Variants in CNIH3 observed in about 807,000 individuals in gnomAD.
The protein encoded by CNIH3 is protein cornichon homolog 3.
CNIH3 carries 14 observed loss-of-function variants against 24.1 expected under a neutral mutation model. The ratio of observed to expected loss-of-function variants is 0.58; its 90% CI spans 0.38 to 0.91. CNIH3 has a LOEUF of 0.91. Among genes scored for constraint, CNIH3 ranks in the 40% least tolerant of loss-of-function variants. The pLI, the probability that CNIH3 is intolerant of heterozygous loss-of-function variation, is 0.00. For synonymous variants in CNIH3, 68 were observed against 73.8 expected (o/e 0.92, Z 0.40); for missense variants, 178 against 196.8 (o/e 0.90, Z 0.57).
intron 3 of CNIH3, among the ~76,000 whole-genome samples, chr1:224,700,837 A>G (rs1044229030): frequency 6.6e-6 from 1 of 152,188 alleles, no homozygotes; most frequent in South Asian, 2.1e-4. Flanking sequence ...TCGTCATTCT[A>G]ATTAGCTCCA....
intron 5 of CNIH3, among the ~76,000 whole-genome samples, chr1:224,736,851 T>C (rs188730794): frequency 1.3e-5 from 2 of 152,324 alleles, no homozygotes; most frequent in East Asian, 1.9e-4. Context: ...TTGGGAGACC[T>C]ACAGAGTGTG....
intron 5 of CNIH3, chr1:224,587,379 G>T (rs1279365072): frequency 1.3e-5 from 2 of 152,398 alleles, no homozygotes; most frequent in African/African-American, 4.8e-5. Flanking sequence ...GAAGCCAGGG[G>T]ACAGTGTGTG....
intron 1 of CNIH3, among the ~76,000 whole-genome samples, chr1:224,491,914 T>C (rs904254157): frequency 6.6e-6 from 1 of 152,090 alleles, no homozygotes; most frequent in African/African-American, 2.4e-5. Flanking sequence ...GGCCCATTTA[T>C]TTACTTTATT....
chr1:224,631,601 C>T (rs1683822823), intron 1 of CNIH3, among the ~76,000 whole-genome samples: 1 of 152,148 alleles, frequency 6.6e-6, no homozygotes, highest in Non-Finnish European at 1.5e-5. Flanking sequence ...GTGGAGGCTA[C>T]ACAATATTAC....
intron 1 of CNIH3, among the ~76,000 whole-genome samples, chr1:224,477,172 G>A (rs1256139415): frequency 6.6e-6 from 1 of 152,220 alleles, no homozygotes; most frequent in Admixed American, 6.5e-5. Flanking sequence ...ATCTCAGGGA[G>A]CCTGCAGGGG....
chr1:224,612,322 C>G (rs1472780962), upstream of CNIH3, among the ~76,000 whole-genome samples: 1 of 151,684 alleles, frequency 6.6e-6, no homozygotes, highest in East Asian at 1.9e-4. This position sits in a 1 kb window ranked among gnomAD's most constrained non-coding sequence, Gnocchi z 4.7. Context: ...GTTTTTTTTT[C>G]TAGGGGCATT....
chr1:224,725,860 C>G (rs1688995470), intron 3 of CNIH3, among the ~76,000 whole-genome samples: 1 of 152,158 alleles, frequency 6.6e-6, no homozygotes, highest in Admixed American at 6.5e-5. Context: ...TAAGAAGAAT[C>G]TCTCCCACAA....
chr1:224,708,231 G>A (rs1468386593), intron 3 of CNIH3, among the ~76,000 whole-genome samples: 1 of 151,998 alleles, frequency 6.6e-6, no homozygotes, highest in Non-Finnish European at 1.5e-5. Context: ...TCCCATCTCA[G>A]GGCCTCTCTC....
upstream of CNIH3, among the ~76,000 whole-genome samples, chr1:224,514,793 C>G (rs887796707): frequency 6.6e-6 from 1 of 152,200 alleles, no homozygotes; most frequent in African/African-American, 2.4e-5. Flanking sequence ...GGTCATGCCA[C>G]CGCATTCCAG....
intron 1 of CNIH3, among the ~76,000 whole-genome samples, chr1:224,644,615 A>G (rs374323944): frequency 1.3e-5 from 2 of 152,170 alleles, no homozygotes; most frequent in Admixed American, 6.5e-5. Flanking sequence ...CTTTGTTTTC[A>G]TCCATTCTTA....
chr1:224,536,542 C>T (rs760710263), intron 2 of CNIH3, among the ~76,000 whole-genome samples: 2 of 152,048 alleles, frequency 1.3e-5, no homozygotes, highest in Non-Finnish European at 2.9e-5. Flanking sequence ...CTGCCCACCT[C>T]GGCTTCCCAA....
At chr1:224,734,944 A>G (rs1689519251) in intron 5 of CNIH3, among the ~76,000 whole-genome samples, 1 of 152,182 alleles carries the variant, frequency 6.6e-6, no homozygotes, top group South Asian at 2.1e-4. Flanking sequence ...CCTTAGGGCC[A>G]CGCAGTGAAA....
intron 1 of CNIH3, among the ~76,000 whole-genome samples, chr1:224,654,325 T>C (rs1685000730): frequency 6.6e-6 from 1 of 152,156 alleles, no homozygotes; most frequent in Non-Finnish European, 1.5e-5. Context: ...GAGGTTGCAG[T>C]GAGCCAAGGT....
intron 1 of CNIH3, among the ~76,000 whole-genome samples, chr1:224,658,986 A>G (rs548002228): frequency 4.7e-4 from 72 of 152,338 alleles, no homozygotes; most frequent in African/African-American, 1.7e-3. Context: ...ATTCTGACAC[A>G]GAGGCCCAGA....
At chr1:224,489,392 C>G (rs938320379) in intron 1 of CNIH3, among the ~76,000 whole-genome samples, 2 of 152,188 alleles carry the variant, frequency 1.3e-5, no homozygotes, top group Non-Finnish European at 2.9e-5. Context: ...TCCCTCACAT[C>G]CCATCCTTTG....
At chr1:224,585,546 A>G (rs1223712835) in intron 5 of CNIH3, among the ~76,000 whole-genome samples, 2 of 151,618 alleles carry the variant, frequency 1.3e-5, no homozygotes, top group East Asian at 3.9e-4. Flanking sequence ...TGATGAAATC[A>G]TGGGTCACTG....
intron 3 of CNIH3, among the ~76,000 whole-genome samples, chr1:224,717,045 C>T (rs750595940): frequency 9.2e-5 from 14 of 152,182 alleles, no homozygotes; most frequent in Admixed American, 2.0e-4. Context: ...CCTTTTCCTG[C>T]AGCTCTTCCT....
chr1:224,729,417 A>G (rs1488426049), intron 3 of CNIH3, among the ~76,000 whole-genome samples: 70 of 150,160 alleles, frequency 4.7e-4, no homozygotes, highest in African/African-American at 1.7e-3. Flanking sequence ...GTCTCCAAAA[A>G]AAAAAAAAAA....
At chr1:224,444,882 A>T (rs1265666265) in intron 1 of CNIH3, among the ~76,000 whole-genome samples, 1 of 150,238 alleles carries the variant, frequency 6.7e-6, no homozygotes, top group Non-Finnish European at 1.5e-5. Flanking sequence ...TGACCTCGTG[A>T]TCCGCCCACC....
Sources: gnomAD v4.1 joint callset for allele counts (sites outside exome capture counted in the v4.1 genomes callset) on GRCh38, gnomAD v4.1.1 for gene constraint, Gnocchi (gnomAD v3.1) non-coding constraint, MANE v1.5 for transcripts, NCBI Gene and HGNC (gene_info 2026-07-23, HGNC 2026-07-21) for gene names.